Variants in TBC1D13 observed in about 807,000 individuals in gnomAD.
TBC1D13 encodes the protein TBC1 domain family member 13.
TBC1D13 carries 40 observed loss-of-function variants against 53.6 expected under a neutral mutation model. The ratio of observed to expected loss-of-function variants is 0.75; its 90% CI spans 0.58 to 0.97. TBC1D13 has a LOEUF of 0.97. Ranked by LOEUF, TBC1D13 falls within the 50% of genes least tolerant of loss-of-function variation. The pLI is 0.00. For synonymous variants in TBC1D13, 182 were observed against 197.7 expected, an observed-to-expected ratio of 0.92 and a Z score of 0.67; for missense variants, 377 against 499.4, an observed-to-expected ratio of 0.75 and a Z score of 2.34.
intron 8 of TBC1D13, 81 bp downstream of exon 8, chr9:128,803,541 G>C (rs544681447): frequency 2.6e-5 from 35 of 1,345,714 alleles, no homozygotes; most frequent in East Asian, 9.5e-5. Flanking sequence ...TCGGGCCTCT[G>C]TTCTCCCTCT....
intron 10 of TBC1D13, 45 bp downstream of exon 10, chr9:128,806,064 T>C (rs763711785): frequency 2.5e-6 from 4 of 1,601,538 alleles, no homozygotes; most frequent in South Asian, 1.1e-5. Context: ...GGGCAGTCCT[T>C]GGAGAAGCCA....
chr9:128,797,303 C>T (rs1276730379), intron 7 of TBC1D13, 89 bp downstream of exon 7: 5 of 1,381,322 alleles, frequency 3.6e-6, no homozygotes, highest in Non-Finnish European at 5.0e-6. Context: ...GGTGTCGGGC[C>T]ATGACCATCT....
rs1369308189 is a variant in TBC1D13, at chr9:128,787,295, AGCGCAGGCGGCAGAG to A, written c.-47_-33del. The A allele has an allele frequency of 1.8e-5, 22 of 1,250,946 alleles. No homozygotes were observed. The highest frequency in any genetic ancestry group is 2.1e-4 in the Middle Eastern group (1 of 4,816). The allele number at this position is 1,250,946 out of a possible 1,614,324, so 77.5% of individuals were successfully genotyped here. ...CCTGGGGGGCGGCGGCGGCGGCGGC[AGCGCAGGCGGCAGAG>A]GCGCAGGCGGCGGAGGCGGCTGGGG... On this transcript the variant is annotated 5_prime_UTR_variant, in exon 1 of 12. Transcript: ENST00000372648.
In TBC1D13 at chr9:128,787,314, CAGGCGGCGG is replaced by C. The variant is rs958744291; in HGVS notation, c.-32_-24del. Reference sequence around the variant, plus strand: ...GGCGGCAGCGCAGGCGGCAGAGGCGCAGGCGGCGGAGGCGGCTGGGGGGTCCGGAAGTCA... The same window carrying C: ...GGCGGCAGCGCAGGCGGCAGAGGCGCAGGCGGCTGGGGGGTCCGGAAGTCA... On this transcript the variant is annotated 5_prime_UTR_variant, in exon 1 of 12. Coordinates refer to ENST00000372648, the MANE Select transcript of TBC1D13 (RefSeq NM_018201.5). The C allele has an allele frequency of 9.6e-6, 12 of 1,255,742 alleles. No individual in the cohort carries two copies. Among genetic ancestry groups the C allele is most frequent in the African/African-American group, 9.3e-5 (6 of 64,586 alleles). The allele number at this position is 1,255,742 out of a possible 1,614,324, so 77.8% of individuals were successfully genotyped here.
At chr9:128,806,169 T>C (rs1829828982) in intron 10 of TBC1D13, 85 bp from the exon 11 acceptor site, 3 of 1,606,382 alleles carry the variant, frequency 1.9e-6, no homozygotes, top group Non-Finnish European at 2.6e-6. Flanking sequence ...CAAACCAAAC[T>C]TGAGGTGGGT....
intron 2 of TBC1D13, chr9:128,789,807 A>ATG (rs1554794474): frequency 1.4e-4 from 1 of 7,104 alleles, no homozygotes; most frequent in Non-Finnish European, 6.2e-4. Flanking sequence ...ATATATATAT[A>ATG]TATATAATAA....
intron 6 of TBC1D13, among the ~76,000 whole-genome samples, chr9:128,794,667 G>A (rs1829596790): frequency 6.6e-6 from 1 of 151,150 alleles, no homozygotes. Context: ...GGAGAGACGG[G>A]GTTTCACCAG....
chr9:128,790,235 C>T (rs888211164), intron 2 of TBC1D13, among the ~76,000 whole-genome samples: 1 of 118,360 alleles, frequency 8.4e-6, no homozygotes, highest in African/African-American at 3.3e-5. Flanking sequence ...CCAGCCTGGG[C>T]AACAGAGCAA....
chr9:128,801,343 C>T (rs1829729482), intron 7 of TBC1D13, among the ~76,000 whole-genome samples: 1 of 152,090 alleles, frequency 6.6e-6, no homozygotes, highest in African/African-American at 2.4e-5. Flanking sequence ...TGGACTAGGC[C>T]TCCCCTCCCC....
chr9:128,795,399 A>T (rs1829610170), intron 6 of TBC1D13, among the ~76,000 whole-genome samples: 1 of 129,778 alleles, frequency 7.7e-6, no homozygotes, highest in Non-Finnish European at 1.6e-5. Context: ...TTTTTAGTAG[A>T]GATGGGGTTT....
intron 2 of TBC1D13, among the ~76,000 whole-genome samples, chr9:128,788,790 G>A (rs1375070049): frequency 6.6e-6 from 1 of 152,098 alleles, no homozygotes; most frequent in East Asian, 1.9e-4. Flanking sequence ...GGTGAGTTTG[G>A]TTAACTGCAG....
intron 6 of TBC1D13, 119 bp from the exon 7 acceptor site, chr9:128,796,935 CA>C: frequency 8.5e-7 from 1 of 1,177,536 alleles, no homozygotes; most frequent in Non-Finnish European, 1.2e-6. Context: ...GACTCCATCT[CA>C]AAAACAAAAA....
At chr9:128,789,295 G>T (rs1007973155) in intron 2 of TBC1D13, among the ~76,000 whole-genome samples, 1 of 105,408 alleles carries the variant, frequency 9.5e-6, no homozygotes, top group Non-Finnish European at 1.7e-5. Context: ...CAGCCTGGGC[G>T]ACAAGAGTGA....
Position 128,809,921 on chromosome 9 carries a change from C to T in TBC1D13, c.*2042C>T, listed in dbSNP as rs1381046546. The T allele has an allele frequency of 6.5e-6, 1 of 152,710 alleles. No individual in the cohort carries two copies. The highest frequency in any genetic ancestry group is 1.9e-4 in the East Asian group (1 of 5,198). 9.5% of individuals were successfully genotyped at this position (152,710 alleles called of 1,614,324 possible). ...TCAGCTGGTGGTTCAGCCCCTTCTCCAACCCCTTCATAAGCTTGGGCCACT... is the reference window on the plus strand; with the variant it reads ...TCAGCTGGTGGTTCAGCCCCTTCTCTAACCCCTTCATAAGCTTGGGCCACT... On this transcript the variant is annotated 3_prime_UTR_variant, in exon 12 of 12. Coordinates refer to ENST00000372648, the MANE Select transcript of TBC1D13 (RefSeq NM_018201.5).
At position 128,809,247 on chromosome 9, in the gene TBC1D13, G is replaced by C. The variant is rs1257326912; in HGVS notation, c.*1368G>C. The C allele has an allele frequency of 6.6e-6, 1 of 152,456 alleles. No individual in the cohort carries two copies. Among genetic ancestry groups the C allele is most frequent in the Admixed American group, 6.5e-5 (1 of 15,284 alleles). The allele number at this position is 152,456 out of a possible 1,614,324, so 9.4% of individuals were successfully genotyped here. The stretch of plus-strand genomic sequence containing the variant: ...GACCCCTGCCTGAGCTGTTCCCAGG[G>C]CTGGAGCAGGTGTACCCTGAGCAGG... On this transcript the variant is annotated 3_prime_UTR_variant, in exon 12 of 12. Transcript: ENST00000372648.
intron 7 of TBC1D13, among the ~76,000 whole-genome samples, chr9:128,801,405 C>G (rs927423314): frequency 6.6e-6 from 1 of 151,680 alleles, no homozygotes; most frequent in Non-Finnish European, 1.5e-5. Context: ...CCAGCCTGGA[C>G]GCGGTGGCTC....
intron 6 of TBC1D13, 113 bp from the exon 7 acceptor site, chr9:128,796,942 A>G (rs1564424351): frequency 6.2e-6 from 8 of 1,280,354 alleles, no homozygotes; most frequent in Non-Finnish European, 8.8e-6. Context: ...TCTCAAAAAC[A>G]AAAACAAAAA....
intron 2 of TBC1D13, among the ~76,000 whole-genome samples, chr9:128,788,627 C>A (rs778198997): frequency 7.2e-5 from 11 of 152,206 alleles, no homozygotes; most frequent in Non-Finnish European, 1.6e-4. Context: ...GGGCAGTGGC[C>A]ACACTTAGCA....
At chr9:128,788,542 C>T in intron 2 of TBC1D13, 135 bp downstream of exon 2, 1 of 712,066 alleles carries the variant, frequency 1.4e-6, no homozygotes, top group Non-Finnish European at 2.4e-6. Context: ...TACACACAGA[C>T]TCTTGGGGCC....
Sources: allele counts gnomAD v4.1 joint callset (sites outside exome capture counted in the v4.1 genomes callset), GRCh38; gene constraint gnomAD v4.1.1; transcripts MANE v1.5; gene names NCBI Gene and HGNC (gene_info 2026-07-23, HGNC 2026-07-21).